The following SUDS3 variants were observed in gnomAD, a reference collection of about 807,000 sequenced individuals.
SUDS3 encodes SIN3A corepressor complex component SDS3, also known as sin3 histone deacetylase corepressor complex component SDS3.
Under a neutral mutation model 53.5 loss-of-function variants are expected in SUDS3, and 23 were observed. That is an observed-to-expected ratio of 0.43 (90% CI 0.31 to 0.61). The LOEUF is 0.61. Among genes scored for constraint, SUDS3 ranks in the 20% least tolerant of loss-of-function variants. SUDS3 has a pLI of 0.10. For missense variants in SUDS3, 291 were observed against 405.9 expected (o/e 0.72, Z 2.43); for synonymous variants, 150 against 148.5 (o/e 1.01, Z -0.08).
intron 1 of SUDS3, among the ~76,000 whole-genome samples, chr12:118,378,468 A>C (rs1192258859): frequency 6.6e-6 from 1 of 150,778 alleles, no homozygotes; most frequent in Non-Finnish European, 1.5e-5. Context: ...ATTTTATTGG[A>C]TATTGTAAGT....
At position 118,386,066 on chromosome 12, in the gene SUDS3, G is replaced by A. The variant is rs561373100; in HGVS notation, c.269-48G>A. 464 of 1,420,424 alleles carry A rather than the reference G, an allele frequency of 3.3e-4. 1 individual carries two copies. Among genetic ancestry groups the A allele is most frequent in the Non-Finnish European group, 4.2e-4 (433 of 1,028,070 alleles). 88.0% of individuals were successfully genotyped at this position (1,420,424 alleles called of 1,614,324 possible). ...ATAATTTTAGGAAGCAAAATGTAGA[G>A]CAGATTTATATTCACAATAATTTTA... On this transcript the variant is annotated intron_variant, in intron 3 of 11. Transcript: ENST00000543473.
At chr12:118,378,128 A>G (rs1418145272) in intron 1 of SUDS3, among the ~76,000 whole-genome samples, 4 of 152,182 alleles carry the variant, frequency 2.6e-5, no homozygotes, top group Non-Finnish European at 4.4e-5. Flanking sequence ...TCCTTCCAGT[A>G]TAGGGGCTAT....
At chr12:118,396,983 G>A (rs1038663313) in intron 6 of SUDS3, among the ~76,000 whole-genome samples, 17 of 152,122 alleles carry the variant, frequency 1.1e-4, no homozygotes, top group Admixed American at 9.8e-4. Flanking sequence ...TTGCAGGGTG[G>A]TTTGGAGAGG....
intron 2 of SUDS3, 87 bp downstream of exon 2, chr12:118,380,318 A>ATT: frequency 2.5e-6 from 3 of 1,190,396 alleles, no homozygotes; most frequent in Non-Finnish European, 3.6e-6. Flanking sequence ...GAAATCTCAG[A>ATT]TGCTCCAAAA....
chr12:118,395,687 G>GGATT (rs370226981), intron 6 of SUDS3, among the ~76,000 whole-genome samples: 9 of 151,794 alleles, frequency 5.9e-5, no homozygotes, highest in South Asian at 2.1e-4. Flanking sequence ...TAATTCTTGT[G>GGATT]GATTGATTGA....
chr12:118,390,852 A>G (rs1238683767), intron 5 of SUDS3: 6 of 428,860 alleles, frequency 1.4e-5, no homozygotes, highest in Non-Finnish European at 2.6e-5. Context: ...ATTATTTACT[A>G]CCTTTGAGAA....
chr12:118,409,644 C>A (rs191855439), intron 10 of SUDS3, among the ~76,000 whole-genome samples: 4 of 152,358 alleles, frequency 2.6e-5, no homozygotes, highest in African/African-American at 9.6e-5. Context: ...AATAAGCCAT[C>A]ATGCTTTGCT....
Position 118,414,245 on chromosome 12 carries a change from C to G in SUDS3, c.889-90C>G, listed in dbSNP as rs578054598. ...CAAGAGGCTACCAGCCTTCTGCTTGCATCTCACTCGTGCAGATATTTTGAT... is the reference window on the plus strand; with the variant it reads ...CAAGAGGCTACCAGCCTTCTGCTTGGATCTCACTCGTGCAGATATTTTGAT... On this transcript the variant is annotated intron_variant, in intron 11 of 11. Coordinates refer to ENST00000543473, the MANE Select transcript of SUDS3 (RefSeq NM_022491.3). The G allele has an allele frequency of 3.8e-5, 35 of 924,436 alleles. No homozygotes were observed. The East Asian group carries it at 9.7e-4, about 26-fold the overall frequency. The allele number at this position is 924,436 out of a possible 1,614,324, so 57.3% of individuals were successfully genotyped here. A position where few individuals can be genotyped will look rare whatever the true frequency, so the allele number is the denominator to read the frequency against.
intron 5 of SUDS3, chr12:118,390,915 C>T (rs2046160836): frequency 3.1e-6 from 2 of 648,034 alleles, no homozygotes; most frequent in Non-Finnish European, 5.8e-6. Context: ...ATCTGGGTAG[C>T]AAGTGAGGTG....
chr12:118,401,602 T>G (rs1425849266), intron 7 of SUDS3, among the ~76,000 whole-genome samples, 157 bp from the exon 8 acceptor site: 1 of 152,210 alleles, frequency 6.6e-6, no homozygotes, highest in African/African-American at 2.4e-5. Context: ...TGACATTTAG[T>G]AGGAGAATCA....
At chr12:118,389,976 G>A (rs2271007) in intron 5 of SUDS3, 30 bp downstream of exon 5, 56,441 of 1,613,726 alleles carry the variant, frequency 0.035, 3,174 homozygotes, top group East Asian at 0.22. Flanking sequence ...TGGGTTTGCA[G>A]GCCCTGTCTG....
chr12:118,402,147 A>G lies in SUDS3; in HGVS notation c.697+143A>G, dbSNP rs933389627. The G allele has an allele frequency of 7.0e-6, 6 of 853,290 alleles. No homozygotes were observed. The Admixed American group carries it at 1.2e-4, about 17-fold the overall frequency. The allele number at this position is 853,290 out of a possible 1,614,324, so 52.9% of individuals were successfully genotyped here. A position where few individuals can be genotyped will look rare whatever the true frequency, so the allele number is the denominator to read the frequency against. ...TAAGAGTAGTCATCATGAAAACTGA[A>G]GGGGACCTTAACTATACCCCTCCCT... On this transcript the variant is annotated intron_variant, in intron 9 of 11. Transcript: ENST00000543473.
chr12:118,415,755 C>T lies in SUDS3; in HGVS notation c.*1322C>T, dbSNP rs2046394935. The T allele has an allele frequency of 6.6e-6, 1 of 151,888 alleles. No homozygotes were observed. The highest frequency in any genetic ancestry group is 1.9e-4 in the East Asian group (1 of 5,166). 9.4% of individuals were successfully genotyped at this position (151,888 alleles called of 1,614,324 possible). A position where few individuals can be genotyped will look rare whatever the true frequency, so the allele number is the denominator to read the frequency against. ...TCTCAAGTGATTCTCTTCATGTTGT[C>T]TCTTGATGTACATACCCCCAAGCAA... is the stretch of plus-strand genomic sequence containing the variant. On this transcript the variant is annotated 3_prime_UTR_variant, in exon 12 of 12. Transcript: ENST00000543473.
At chr12:118,384,169 C>T (rs1286815504) in intron 3 of SUDS3, 102 bp downstream of exon 3, 5 of 1,210,244 alleles carry the variant, frequency 4.1e-6, no homozygotes, top group South Asian at 1.3e-5. Flanking sequence ...ATTTAAAACA[C>T]GGTCTGGCTG....
At chr12:118,386,752 C>T (rs2046118277) in intron 4 of SUDS3, among the ~76,000 whole-genome samples, 1 of 152,128 alleles carries the variant, frequency 6.6e-6, no homozygotes, top group African/African-American at 2.4e-5. Flanking sequence ...ATTGCTTTGA[C>T]TTTAGGACAC....
In SUDS3 at chr12:118,409,490, T is replaced by G. The variant is rs527974544; in HGVS notation, c.804-1583T>G. ...CAGTATTTTCAGAAAGTACATTGAC[T>G]TGGAAACCTGAGTTTTCAGTTCATA... On this transcript the variant is annotated intron_variant, in intron 10 of 11. Coordinates refer to ENST00000543473, the MANE Select transcript of SUDS3 (RefSeq NM_022491.3). 7.9e-5 allele frequency among the ~76,000 whole-genome samples: 12 copies of G among 152,278 alleles called. No individual in the cohort carries two copies. The South Asian group carries it at 2.5e-3, about 32-fold the overall frequency.
chr12:118,393,034 G>A (rs2046181877), intron 6 of SUDS3, among the ~76,000 whole-genome samples: 1 of 152,168 alleles, frequency 6.6e-6, no homozygotes, highest in Non-Finnish European at 1.5e-5. Flanking sequence ...GCTAGCCATG[G>A]GCATTAAAGG....
intron 6 of SUDS3, among the ~76,000 whole-genome samples, chr12:118,398,265 T>C (rs1233206713): frequency 6.6e-6 from 1 of 152,184 alleles, no homozygotes; most frequent in Non-Finnish European, 1.5e-5. Context: ...TTCTATTCTC[T>C]AGATGAGGAC....
chr12:118,402,886 A>G (rs1033515609), intron 9 of SUDS3, among the ~76,000 whole-genome samples: 13 of 151,154 alleles, frequency 8.6e-5, no homozygotes, highest in African/African-American at 3.2e-4. Flanking sequence ...TCAGCTTCCC[A>G]AGTAGCTAGG....
Sources: gnomAD v4.1 joint callset for allele counts (sites outside exome capture counted in the v4.1 genomes callset) on GRCh38, gnomAD v4.1.1 for gene constraint, MANE v1.5 for transcripts, NCBI Gene and HGNC (gene_info 2026-07-23, HGNC 2026-07-21) for gene names.